BTBD9: variants seen among roughly 807,000 people sequenced by gnomAD.
BTBD9 encodes the protein BTB/POZ domain-containing protein 9.
A neutral mutation model predicts 64.3 loss-of-function variants in BTBD9; 49 were observed. The observed-to-expected ratio is 0.76, with a 90% CI of 0.61 to 0.97. The LOEUF (loss-of-function observed/expected upper bound fraction) is 0.97, where lower values mean the gene tolerates loss of function less well. BTBD9 is among the 50% of genes least tolerant of loss of function. The probability of loss-of-function intolerance (pLI) is 0.00; values close to 1 mark genes in which losing one functional copy is unlikely to be tolerated. For synonymous variants in BTBD9, 260 were observed against 274.7 expected (o/e 0.95, Z 0.53); for missense variants, 598 against 762.1 (o/e 0.78, Z 2.53).
Position 38,203,919 on chromosome 6 carries a change from C to G in BTBD9, c.1563-11322G>C, listed in dbSNP as rs144929154. ...AAAAGGACTTGAAATGCTACCAACA[C>G]ATAGAAATGATAAATACTCAAGATG... On this transcript the variant is annotated intron_variant, in intron 9 of 10. Transcript: ENST00000481247. 5.8e-4 allele frequency among the ~76,000 whole-genome samples: 88 copies of G among 152,184 alleles called. No homozygotes were observed. In the East Asian group the frequency reaches 0.014, roughly 24 times the overall value.
intron 9 of BTBD9, among the ~76,000 whole-genome samples, chr6:38,231,731 T>G (rs761168928): frequency 6.6e-6 from 1 of 152,208 alleles, no homozygotes; most frequent in Admixed American, 6.5e-5. Context: ...GAACCTGCAC[T>G]GGCACCCAGC....
chr6:38,417,737 C>T (rs1273525737), intron 6 of BTBD9, among the ~76,000 whole-genome samples: 1 of 148,350 alleles, frequency 6.7e-6, no homozygotes, highest in Non-Finnish European at 1.5e-5. Flanking sequence ...TGCGCCACTG[C>T]ATTCCAGCCT....
At chr6:38,347,893 T>G (rs1173716960) in intron 6 of BTBD9, among the ~76,000 whole-genome samples, 1 of 151,996 alleles carries the variant, frequency 6.6e-6, no homozygotes, top group African/African-American at 2.4e-5. Context: ...GCTACTTGGG[T>G]GGCTGAGGCA....
chr6:38,596,139 T>A (rs1777021869), intron 2 of BTBD9: 1 of 809,388 alleles, frequency 1.2e-6, no homozygotes. Flanking sequence ...CCTTTGCACA[T>A]GAATACAGTC....
At chr6:38,395,675 C>T (rs907054289) in intron 6 of BTBD9, among the ~76,000 whole-genome samples, 4 of 151,932 alleles carry the variant, frequency 2.6e-5, no homozygotes, top group African/African-American at 9.7e-5. Context: ...ATTCCTAATC[C>T]CTAGAAACTG....
chr6:38,549,758 C>G (rs1403849725), intron 6 of BTBD9, among the ~76,000 whole-genome samples: 1 of 152,114 alleles, frequency 6.6e-6, no homozygotes, highest in Admixed American at 6.5e-5. Flanking sequence ...CATGCTGTTC[C>G]CAGTCCCTCT....
At chr6:38,437,517 T>C (rs13206272) in intron 6 of BTBD9, among the ~76,000 whole-genome samples, 15,884 of 152,278 alleles carry the variant, frequency 0.1, 882 homozygotes, top group African/African-American at 0.13. Context: ...TATGTCTTTT[T>C]CTGGGTTTAT....
At chr6:38,543,356 T>C (rs190224506) in intron 6 of BTBD9, among the ~76,000 whole-genome samples, 12 of 152,376 alleles carry the variant, frequency 7.9e-5, no homozygotes, top group African/African-American at 2.6e-4. Flanking sequence ...GCTTACTGAT[T>C]TATTTACCTA....
At chr6:38,344,494 T>G (rs974353835) in intron 7 of BTBD9, among the ~76,000 whole-genome samples, 1 of 152,124 alleles carries the variant, frequency 6.6e-6, no homozygotes, top group Admixed American at 6.6e-5. Context: ...CTTTTGTGAG[T>G]TGAACTTTCT....
rs188975053 is a variant in BTBD9, at chr6:38,584,983, T to C, written c.815-4546A>G. 3.9e-4 allele frequency among the ~76,000 whole-genome samples: 60 copies of C among 152,144 alleles called. 1 individual carries two copies. Among genetic ancestry groups the C allele is most frequent in the African/African-American group, 1.3e-3 (53 of 41,498 alleles). On this transcript the variant is annotated intron_variant, in intron 4 of 10. Coordinates refer to ENST00000481247, the MANE Select transcript of BTBD9 (RefSeq NM_001099272.2). ...CAGCACTTTGGTTCCAGTTCTGGCA[T>C]TGAATTCACTTGGTAATTTAGGCAA...
chr6:38,600,816 C>T (rs1777214924), intron 1 of BTBD9, among the ~76,000 whole-genome samples: 1 of 152,124 alleles, frequency 6.6e-6, no homozygotes, highest in African/African-American at 2.4e-5. Context: ...ACATATGTAT[C>T]TACCATAATA....
intron 6 of BTBD9, among the ~76,000 whole-genome samples, chr6:38,495,204 G>A (rs985737406): frequency 6.6e-6 from 1 of 152,194 alleles, no homozygotes; most frequent in Non-Finnish European, 1.5e-5. Context: ...TAACATCTCT[G>A]TGTTTCGTTT....
In BTBD9 at chr6:38,549,754, G is replaced by A. The variant is rs1265835334; in HGVS notation, c.1154+27846C>T. Among the ~76,000 whole-genome samples, 7 of 152,070 alleles carry A rather than the reference G, an allele frequency of 4.6e-5. No homozygotes were observed. The South Asian group carries it at 6.2e-4, about 14-fold the overall frequency. On this transcript the variant is annotated intron_variant, in intron 6 of 10. Coordinates refer to ENST00000481247, the MANE Select transcript of BTBD9 (RefSeq NM_001099272.2). ...CTCAAAATAGTTGTCTATACATGCT[G>A]TTCCCAGTCCCTCTCTCCATTTTGA...
intron 8 of BTBD9, among the ~76,000 whole-genome samples, chr6:38,275,005 T>C (rs545316233): frequency 1.3e-5 from 2 of 152,220 alleles, no homozygotes; most frequent in East Asian, 3.9e-4. Context: ...TACTTTAAAG[T>C]TCATATGGAA....
chr6:38,426,795 T>C (rs1406359449), intron 6 of BTBD9, among the ~76,000 whole-genome samples: 1 of 151,718 alleles, frequency 6.6e-6, no homozygotes, highest in Non-Finnish European at 1.5e-5. Context: ...ATTCCATTTC[T>C]TGGAATCCAT....
chr6:38,592,528 G>A, intron 4 of BTBD9, 48 bp downstream of exon 4: 3 of 1,599,008 alleles, frequency 1.9e-6, no homozygotes, highest in Non-Finnish European at 1.7e-6. Flanking sequence ...AATGGCATGA[G>A]AGGCATACCA....
chr6:38,513,535 G>A (rs939181084), intron 6 of BTBD9, among the ~76,000 whole-genome samples: 1 of 151,820 alleles, frequency 6.6e-6, no homozygotes, highest in African/African-American at 2.4e-5. Context: ...TTAAATGGAA[G>A]AGATGTTCCT....
At chr6:38,434,868 C>T (rs530691657) in intron 6 of BTBD9, among the ~76,000 whole-genome samples, 2 of 151,840 alleles carry the variant, frequency 1.3e-5, no homozygotes, top group Admixed American at 1.3e-4. Context: ...CTGCAGATAA[C>T]AAAATCTGCA....
At chr6:38,217,152 C>CAA (rs35599057) in intron 9 of BTBD9, among the ~76,000 whole-genome samples, 27 of 121,830 alleles carry the variant, frequency 2.2e-4, no homozygotes, top group East Asian at 1.2e-3. Flanking sequence ...ACTAAGGATA[C>CAA]AAAAAAAAAA....
Sources: gnomAD v4.1 joint callset for allele counts (sites outside exome capture counted in the v4.1 genomes callset) on GRCh38, gnomAD v4.1.1 for gene constraint, MANE v1.5 for transcripts, NCBI Gene and HGNC (gene_info 2026-07-23, HGNC 2026-07-21) for gene names.